ATR: variants seen among roughly 807,000 people sequenced by gnomAD.
ATR encodes serine/threonine-protein kinase ATR.
In ATR, 142 loss-of-function variants were observed where a neutral mutation model predicts 305.3. The observed-to-expected ratio is 0.47, with a 90% CI of 0.41 to 0.53. The LOEUF (loss-of-function observed/expected upper bound fraction) is 0.53. Ranked by LOEUF, ATR falls within the 20% of genes least tolerant of loss-of-function variation. The pLI is 0.00. For synonymous variants in ATR, 1,050 were observed against 1,068.1 expected, an observed-to-expected ratio of 0.98 and a Z score of 0.33; for missense variants, 2,135 against 3,133.1, an observed-to-expected ratio of 0.68 and a Z score of 7.60.
intron 44 of ATR, among the ~76,000 whole-genome samples, chr3:142,458,531 C>T (rs915511636): frequency 2.0e-5 from 3 of 152,178 alleles, no homozygotes; most frequent in Non-Finnish European, 4.4e-5. Flanking sequence ...CCAGGTCCCA[C>T]TCTGGACCTA....
intron 1 of ATR, among the ~76,000 whole-genome samples, chr3:142,573,453 CA>C (rs1218216880): frequency 0.21 from 9,767 of 45,962 alleles, 120 homozygotes; most frequent in Non-Finnish European, 0.24. Flanking sequence ...GACTTCATCT[CA>C]AAAAAAAAAA....
chr3:142,454,296 A>G (rs948938005), intron 45 of ATR, among the ~76,000 whole-genome samples: 2 of 152,226 alleles, frequency 1.3e-5, no homozygotes, highest in African/African-American at 2.4e-5. Context: ...TACTTCCTCC[A>G]GAAATTATTT....
chr3:142,497,159 G>A lies in ATR; in HGVS notation c.5592C>T (p.Ile1864=), dbSNP rs2108336710. 6.2e-7 allele frequency: 1 copy of A among 1,614,038 alleles called. No individual in the cohort carries two copies. Among genetic ancestry groups the A allele is most frequent in the Non-Finnish European group, 8.5e-7 (1 of 1,179,986 alleles). The part of the protein sequence containing the change: ...LHMLCELEHS[I]KPLFQHSPGD... Reference sequence around the variant, plus strand: ...CTGGAGAATGCTGGAAAAGTGGTTTGATGCTATGCTCCAACTCACATAACA... The same window carrying A: ...CTGGAGAATGCTGGAAAAGTGGTTTAATGCTATGCTCCAACTCACATAACA... The change falls in exon 33 of 47, where the codon ATC becomes ATT. Residue 1864 remains isoleucine, a synonymous_variant. Transcript: ENST00000350721.
chr3:142,508,749 C>T (rs1181412358), intron 27 of ATR, among the ~76,000 whole-genome samples: 1 of 151,820 alleles, frequency 6.6e-6, no homozygotes, highest in African/African-American at 2.4e-5. Context: ...CGGTGAAACC[C>T]CGTCTCTACT....
intron 22 of ATR, among the ~76,000 whole-genome samples, chr3:142,523,455 C>T (rs759958780): frequency 3.9e-5 from 6 of 152,008 alleles, no homozygotes; most frequent in African/African-American, 1.2e-4. Flanking sequence ...GCATCTCCTA[C>T]GTTGCATTCT....
chr3:142,461,926 AT>A lies in ATR; in HGVS notation c.7192+13del. On this transcript the variant is annotated intron_variant, in intron 42 of 46. Transcript: ENST00000350721. ...GTACCCACACTGTATATGTATAAGA[AT>A]TAATTTTAGTACCCTTTTCTTTATA... 1 of 1,611,488 alleles carries A rather than the reference AT, an allele frequency of 6.2e-7. No homozygotes were observed.
intron 45 of ATR, among the ~76,000 whole-genome samples, chr3:142,457,282 A>C (rs2070928039): frequency 6.6e-6 from 1 of 152,080 alleles, no homozygotes; most frequent in South Asian, 2.1e-4. Flanking sequence ...AGTGGTTACA[A>C]GTAGATAGCA....
intron 35 of ATR, among the ~76,000 whole-genome samples, chr3:142,488,034 A>G (rs529915363): frequency 6.6e-6 from 1 of 152,200 alleles, no homozygotes; most frequent in Non-Finnish European, 1.5e-5. Flanking sequence ...TTGATGATTT[A>G]TATCAATGGG....
At chr3:142,467,310 T>C (rs556531645) in intron 39 of ATR, among the ~76,000 whole-genome samples, 4 of 152,288 alleles carry the variant, frequency 2.6e-5, no homozygotes, top group African/African-American at 9.6e-5. Context: ...GGGTTACTCC[T>C]GTAACCATGT....
intron 21 of ATR, among the ~76,000 whole-genome samples, chr3:142,528,879 A>ATATATAT (rs1215767510): frequency 4.3e-4 from 13 of 30,486 alleles, no homozygotes; most frequent in South Asian, 2.1e-3. Context: ...ATATATATAT[A>ATATATAT]TTTTTTTTTT....
chr3:142,572,689 C>T (rs774239084), intron 1 of ATR, among the ~76,000 whole-genome samples: 1 of 151,966 alleles, frequency 6.6e-6, no homozygotes, highest in African/African-American at 2.4e-5. Flanking sequence ...GTGGGAGGAT[C>T]GCTTGAGCCT....
Position 142,563,084 on chromosome 3 carries a change from T to G in ATR, c.318A>C (p.Arg106Ser), listed in dbSNP as rs1367157953. The G allele has an allele frequency of 6.2e-7, 1 of 1,604,424 alleles. No individual in the cohort carries two copies. The highest frequency in any genetic ancestry group is 2.2e-5 in the East Asian group (1 of 44,844). ...CIEFSNWIIT[R>S]LLRIAATPSC... ...AGGGAGTTGCTGCAATCCGCAGAAG[T>G]CTCGTTATGATCCAATTACTGAATT... The change falls in exon 4 of 47, where the codon AGA becomes AGC. Residue 106 changes from arginine to serine, a missense_variant. This residue lies in a region of ATR where 744 missense variants were observed against 873.2 expected (regional missense o/e 0.85). Coordinates refer to ENST00000350721, the MANE Select transcript of ATR (RefSeq NM_001184.4).
At chr3:142,495,395 T>C (rs1168487831) in intron 34 of ATR, among the ~76,000 whole-genome samples, 6 of 152,168 alleles carry the variant, frequency 3.9e-5, no homozygotes, top group African/African-American at 9.7e-5. Context: ...GTAATGCCTA[T>C]TACTAATTCT....
At chr3:142,542,989 T>G (rs980921292) in intron 16 of ATR, among the ~76,000 whole-genome samples, 1 of 152,140 alleles carries the variant, frequency 6.6e-6, no homozygotes, top group Non-Finnish European at 1.5e-5. Flanking sequence ...AAAATATGAT[T>G]AAACAGTACA....
chr3:142,492,870 G>A (rs1203744293), intron 35 of ATR, among the ~76,000 whole-genome samples: 1 of 152,168 alleles, frequency 6.6e-6, no homozygotes, highest in African/African-American at 2.4e-5. Context: ...CTAGGATGTA[G>A]TTAACTTTGA....
intron 36 of ATR, among the ~76,000 whole-genome samples, chr3:142,481,950 G>A (rs2030525391): frequency 6.6e-6 from 1 of 151,718 alleles, no homozygotes; most frequent in Admixed American, 6.6e-5. Flanking sequence ...AGCTTCCCTT[G>A]TAGCTGGGAC....
At chr3:142,500,913 G>A (rs922340573) in intron 30 of ATR, among the ~76,000 whole-genome samples, 1 of 152,194 alleles carries the variant, frequency 6.6e-6, no homozygotes, top group Admixed American at 6.5e-5. Flanking sequence ...TTATCTATGG[G>A]ATATCAGATA....
chr3:142,561,207 A>G, intron 5 of ATR, 36 bp downstream of exon 5: 1 of 1,596,024 alleles, frequency 6.3e-7, no homozygotes, highest in Non-Finnish European at 8.6e-7. Context: ...AGTTTTATTT[A>G]ATGGCTAAAT....
At chr3:142,552,592 C>T (rs1192965111) in intron 13 of ATR, among the ~76,000 whole-genome samples, 1 of 150,432 alleles carries the variant, frequency 6.6e-6, no homozygotes, top group Non-Finnish European at 1.5e-5. Context: ...ATCACGTGAA[C>T]CTGGGAGGTG....
Sources: gnomAD v4.1 joint callset for allele counts (sites outside exome capture counted in the v4.1 genomes callset) on GRCh38, gnomAD v4.1.1 for gene constraint, gnomAD v4.1.1 regional missense constraint, MANE v1.5 for transcripts, NCBI Gene and HGNC (gene_info 2026-07-23, HGNC 2026-07-21) for gene names.